Variants in PIWIL1 observed in about 807,000 individuals in gnomAD.
PIWIL1 encodes the protein piwi like RNA-mediated gene silencing 1, also known as piwi-like protein 1.
In PIWIL1, 73 loss-of-function variants were observed where a neutral mutation model predicts 114.4. The observed-to-expected ratio is 0.64, with a 90% confidence interval of 0.53 to 0.78. The LOEUF (loss-of-function observed/expected upper bound fraction) is 0.78. Among genes scored for constraint, PIWIL1 ranks in the 30% least tolerant of loss-of-function variants. The pLI is 0.00. For missense variants in PIWIL1, 723 were observed against 1,063.1 expected, an observed-to-expected ratio of 0.68 and a Z score of 4.45; for synonymous variants, 375 against 369.0, an observed-to-expected ratio of 1.02 and a Z score of -0.19.
At chr12:130,424,812 G>A in the PIWIL1 span, 4 of 1,232,736 alleles carry the variant, frequency 3.2e-6, no homozygotes, top group Non-Finnish European at 4.0e-6. This position sits in a 1 kb window ranked among gnomAD's most constrained non-coding sequence, Gnocchi z 9.8. Flanking sequence ...GGGAAACTCG[G>A]GCTGCTCCCA....
the PIWIL1 span, among the ~76,000 whole-genome samples, chr12:130,421,689 A>ATGTGTGTGTGTGTGTGTGTG: frequency 1.0e-3 from 107 of 106,992 alleles, no homozygotes; most frequent in Middle Eastern, 4.3e-3. Context: ...CCCTGCATTT[A>ATGTGTGTGTGTGTGTGTGTG]TATGTGTGTG....
At chr12:130,348,438 A>G (rs2073128561) in intron 7 of PIWIL1, among the ~76,000 whole-genome samples, 1 of 152,222 alleles carries the variant, frequency 6.6e-6, no homozygotes, top group African/African-American at 2.4e-5. Flanking sequence ...TAGGTAATAA[A>G]AATAATCAGT....
downstream of PIWIL1, among the ~76,000 whole-genome samples, chr12:130,376,309 G>A (rs1345577836): frequency 2.0e-5 from 3 of 152,136 alleles, no homozygotes; most frequent in African/African-American, 4.8e-5. Context: ...AAAAATATGC[G>A]TGCCCATATT....
the PIWIL1 span, among the ~76,000 whole-genome samples, chr12:130,402,820 G>T: frequency 1.3e-5 from 2 of 152,320 alleles, no homozygotes; most frequent in African/African-American, 4.8e-5. Flanking sequence ...ACCTTAGTAC[G>T]CCACGTGATG....
chr12:130,343,346 C>A (rs1317699996), intron 3 of PIWIL1, among the ~76,000 whole-genome samples: 2 of 152,098 alleles, frequency 1.3e-5, no homozygotes, highest in Non-Finnish European at 2.9e-5. Flanking sequence ...AAATTTAACT[C>A]TATGGAACAG....
At chr12:130,414,170 A>C in the PIWIL1 span, 1 of 1,614,194 alleles carries the variant, frequency 6.2e-7, no homozygotes, top group South Asian at 1.1e-5. Flanking sequence ...CCTCTGCAGC[A>C]TCTGGGTTTG....
Position 130,370,244 on chromosome 12 carries a change from GAA to G in PIWIL1, c.2322-919_2322-918del, listed in dbSNP as rs11350549. Among the ~76,000 whole-genome samples, 537 of 143,652 alleles carry G rather than the reference GAA, an allele frequency of 3.7e-3. 2 individuals carry two copies. Among genetic ancestry groups the G allele is most frequent in the African/African-American group, 0.012 (456 of 38,604 alleles). The allele number at this position is 143,652 out of a possible 152,430, so 94.2% of individuals were successfully genotyped here. A position where few individuals can be genotyped will look rare whatever the true frequency, so the allele number is the denominator to read the frequency against. ...GATATTTTATTGGTACCAAGAAAATGAAAAAAAAAAAAAACTAATGCGTATTC... is the reference window on the plus strand; with the variant it reads ...GATATTTTATTGGTACCAAGAAAATGAAAAAAAAAAAACTAATGCGTATTC... On this transcript the variant is annotated intron_variant, in intron 19 of 20. Transcript: ENST00000245255.
the PIWIL1 span, among the ~76,000 whole-genome samples, chr12:130,393,851 C>T: frequency 6.6e-6 from 1 of 152,188 alleles, no homozygotes; most frequent in Non-Finnish European, 1.5e-5. Flanking sequence ...GACTGCAGCC[C>T]CCACGGCAGG....
chr12:130,364,952 C>G (rs893707849), intron 18 of PIWIL1, among the ~76,000 whole-genome samples: 2 of 152,230 alleles, frequency 1.3e-5, no homozygotes, highest in African/African-American at 4.8e-5. Flanking sequence ...TAGGAGTACA[C>G]ACTCCTGGCC....
At chr12:130,361,785 A>C (rs1165098628) in intron 16 of PIWIL1, among the ~76,000 whole-genome samples, 184 bp downstream of exon 16, 1 of 152,216 alleles carries the variant, frequency 6.6e-6, no homozygotes, top group East Asian at 1.9e-4. Context: ...TGTATTCGTC[A>C]AACTGCATTT....
the PIWIL1 span, among the ~76,000 whole-genome samples, chr12:130,423,028 C>T: frequency 6.6e-5 from 10 of 152,290 alleles, no homozygotes; most frequent in East Asian, 1.5e-3. Flanking sequence ...AACTGAAAGA[C>T]GGAAGTTTCT....
intron 14 of PIWIL1, among the ~76,000 whole-genome samples, chr12:130,360,399 G>T (rs2136174482): frequency 6.6e-6 from 1 of 152,290 alleles, no homozygotes; most frequent in East Asian, 1.9e-4. Context: ...ACTTTGGGAG[G>T]CCGAGGCAGG....
At chr12:130,396,640 C>T in the PIWIL1 span, 1 of 152,782 alleles carries the variant, frequency 6.5e-6, no homozygotes, top group African/African-American at 2.4e-5. Flanking sequence ...ACATTAAAAG[C>T]AATGAAGATA....
At chr12:130,411,153 G>C in the PIWIL1 span, among the ~76,000 whole-genome samples, 1 of 152,076 alleles carries the variant, frequency 6.6e-6, no homozygotes, top group African/African-American at 2.4e-5. Flanking sequence ...AATTTTCATT[G>C]CTCACATATG....
chr12:130,398,923 T>C, the PIWIL1 span: 1 of 320,678 alleles, frequency 3.1e-6, no homozygotes, highest in Non-Finnish European at 5.8e-6. Flanking sequence ...TTTGCTTCAC[T>C]ATAAATTCAG....
chr12:130,384,314 G>A, the PIWIL1 span, among the ~76,000 whole-genome samples: 21,103 of 152,114 alleles, frequency 0.14, 1,791 homozygotes, highest in African/African-American at 0.22. Context: ...CAATAAATTT[G>A]TAATTAATGA....
chr12:130,401,497 T>G, the PIWIL1 span, among the ~76,000 whole-genome samples: 2 of 151,892 alleles, frequency 1.3e-5, no homozygotes, highest in African/African-American at 4.8e-5. Flanking sequence ...ATCTTCCTGT[T>G]CAGCAACGCT....
chr12:130,405,863 T>G, the PIWIL1 span, among the ~76,000 whole-genome samples: 1 of 152,228 alleles, frequency 6.6e-6, no homozygotes, highest in African/African-American at 2.4e-5. Flanking sequence ...ACTTAAATTG[T>G]TTTGTAAATG....
chr12:130,423,278 C>T, the PIWIL1 span, among the ~76,000 whole-genome samples: 5 of 152,150 alleles, frequency 3.3e-5, no homozygotes, highest in Admixed American at 1.3e-4. Flanking sequence ...GGGGATGAGG[C>T]GTGTCTGCTG....
Sources: gnomAD v4.1 joint callset for allele counts (sites outside exome capture counted in the v4.1 genomes callset) on GRCh38, gnomAD v4.1.1 for gene constraint, Gnocchi (gnomAD v3.1) non-coding constraint, MANE v1.5 for transcripts, NCBI Gene and HGNC (gene_info 2026-07-23, HGNC 2026-07-21) for gene names.